Variants in RORA observed in about 807,000 individuals in gnomAD.
The protein encoded by RORA is nuclear receptor ROR-alpha.
Under a neutral mutation model 69.5 loss-of-function variants are expected in RORA, and 7 were observed. The observed-to-expected ratio is 0.10, with a 90% CI of 0.06 to 0.19. The LOEUF is 0.19. Among genes scored for constraint, RORA ranks in the 10% least tolerant of loss-of-function variants. The pLI is 1.00. For missense variants in RORA, 457 were observed against 663.0 expected, an observed-to-expected ratio of 0.69 and a Z score of 3.41; for synonymous variants, 261 against 240.8, an observed-to-expected ratio of 1.08 and a Z score of -0.78.
intron 2 of RORA, among the ~76,000 whole-genome samples, chr15:60,560,337 C>T (rs1220480975): frequency 2.0e-5 from 3 of 151,986 alleles, no homozygotes; most frequent in East Asian, 3.9e-4. Context: ...GCCCTAGTTA[C>T]ACCCTTACTA....
intron 1 of RORA, among the ~76,000 whole-genome samples, chr15:60,913,868 T>C (rs1316992088): frequency 6.6e-6 from 1 of 152,196 alleles, no homozygotes; most frequent in East Asian, 1.9e-4. Context: ...ATCTTTCCTG[T>C]TTTTTCCATC....
chr15:61,195,079 G>A (rs1243556958), intron 1 of RORA, among the ~76,000 whole-genome samples: 3 of 151,750 alleles, frequency 2.0e-5, no homozygotes, highest in Non-Finnish European at 4.4e-5. Flanking sequence ...ATGTCTTTAG[G>A]ATCTAAAGAG....
chr15:60,617,218 T>C (rs1198874305), intron 2 of RORA, among the ~76,000 whole-genome samples: 9 of 152,204 alleles, frequency 5.9e-5, no homozygotes, highest in Non-Finnish European at 8.8e-5. Flanking sequence ...GTGCCTGGTA[T>C]ACAGTAGGTG....
chr15:60,565,511 A>G (rs2067689806), intron 2 of RORA, among the ~76,000 whole-genome samples: 1 of 152,232 alleles, frequency 6.6e-6, no homozygotes, highest in African/African-American at 2.4e-5. Context: ...GCCTACACCA[A>G]TGTTATTCAA....
chr15:60,769,654 C>A lies in RORA; in HGVS notation c.167-90968G>T, dbSNP rs773031368. On this transcript the variant is annotated intron_variant, in intron 1 of 10. Coordinates refer to ENST00000335670, the MANE Select transcript of RORA (RefSeq NM_134261.3). ...ATTGATGTTATAAACTCTCATGCCA[C>A]GAGTGTGCCTCTCTGATGTCTGATA... Among the ~76,000 whole-genome samples, 3 of 152,298 alleles carry A rather than the reference C, an allele frequency of 2.0e-5. No individual in the cohort carries two copies. The East Asian group carries it at 5.8e-4, about 29-fold the overall frequency.
intron 3 of RORA, among the ~76,000 whole-genome samples, chr15:60,527,405 T>C (rs1280691266): frequency 6.6e-6 from 1 of 152,276 alleles, no homozygotes; most frequent in African/African-American, 2.4e-5. Flanking sequence ...CATATTTTTA[T>C]TCACTTTGAA....
At chr15:60,605,624 T>C (rs2068927112) in intron 2 of RORA, among the ~76,000 whole-genome samples, 1 of 152,204 alleles carries the variant, frequency 6.6e-6, no homozygotes, top group Admixed American at 6.5e-5. Context: ...ATTATTGGTC[T>C]TTAATAGAGG....
chr15:61,095,646 T>G (rs2078778241), intron 1 of RORA, among the ~76,000 whole-genome samples: 1 of 152,312 alleles, frequency 6.6e-6, no homozygotes, highest in Admixed American at 6.5e-5. Context: ...TTTGAGCACT[T>G]TTTAAAAAGC....
intron 1 of RORA, among the ~76,000 whole-genome samples, chr15:60,765,855 C>T (rs938470540): frequency 1.4e-4 from 22 of 151,934 alleles, no homozygotes; most frequent in East Asian, 1.2e-3. Flanking sequence ...TGGTGTAACC[C>T]GCTCCCCCAC....
intron 1 of RORA, among the ~76,000 whole-genome samples, chr15:61,171,546 G>GT (rs769613872): frequency 5.3e-5 from 8 of 152,216 alleles, no homozygotes; most frequent in Non-Finnish European, 8.8e-5. Context: ...ACACTGCTCA[G>GT]ATGTGGGGTA....
intron 1 of RORA, among the ~76,000 whole-genome samples, chr15:61,123,134 T>C (rs2079117309): frequency 6.6e-6 from 1 of 152,158 alleles, no homozygotes; most frequent in Non-Finnish European, 1.5e-5. Flanking sequence ...GCTGGGGTTT[T>C]AATCGACTCA....
At chr15:61,127,150 C>G (rs150214660) in intron 1 of RORA, among the ~76,000 whole-genome samples, 115 of 152,320 alleles carry the variant, frequency 7.5e-4, no homozygotes, top group African/African-American at 2.7e-3. Flanking sequence ...AGTCTTCAAA[C>G]TGCTTCCACG....
chr15:60,840,621 C>T (rs1595758411), intron 1 of RORA, among the ~76,000 whole-genome samples: 2 of 152,342 alleles, frequency 1.3e-5, no homozygotes, highest in East Asian at 1.9e-4. Flanking sequence ...CTTTTCCCTC[C>T]AGAGAGGGAC....
chr15:61,070,003 T>C (rs1471008624), intron 1 of RORA, among the ~76,000 whole-genome samples: 1 of 152,226 alleles, frequency 6.6e-6, no homozygotes, highest in Non-Finnish European at 1.5e-5. Context: ...TTGATGTTTT[T>C]AAAAGTATGT....
intron 2 of RORA, among the ~76,000 whole-genome samples, chr15:60,604,130 C>G (rs1217568575): frequency 4.1e-5 from 3 of 73,060 alleles, no homozygotes; most frequent in African/African-American, 1.7e-4. Context: ...GAGACTCTGT[C>G]TCAAAAAAAA....
chr15:60,672,824 T>TTGC (rs952501849), intron 2 of RORA, among the ~76,000 whole-genome samples: 8 of 152,242 alleles, frequency 5.3e-5, no homozygotes, highest in African/African-American at 1.7e-4. Flanking sequence ...GTTCCTGCTA[T>TTGC]TGCTGCTGCT....
At chr15:61,163,368 G>A (rs979087352) in intron 1 of RORA, among the ~76,000 whole-genome samples, 35 of 152,136 alleles carry the variant, frequency 2.3e-4, no homozygotes, top group African/African-American at 8.4e-4. Flanking sequence ...GGGGCACCTA[G>A]CAATATCTAT....
At chr15:61,076,491 C>T (rs998049206) in intron 1 of RORA, among the ~76,000 whole-genome samples, 8 of 151,820 alleles carry the variant, frequency 5.3e-5, no homozygotes, top group Admixed American at 3.3e-4. Flanking sequence ...CTTCCAGGAA[C>T]GTGCAAGCTA....
intron 2 of RORA, among the ~76,000 whole-genome samples, chr15:60,594,644 T>C (rs2068628250): frequency 6.6e-6 from 1 of 152,262 alleles, no homozygotes; most frequent in African/African-American, 2.4e-5. Context: ...TCAGTATTTA[T>C]TTCCAGATCA....
Sources: allele counts gnomAD v4.1 joint callset (sites outside exome capture counted in the v4.1 genomes callset), GRCh38; gene constraint gnomAD v4.1.1; transcripts MANE v1.5; gene names NCBI Gene and HGNC (gene_info 2026-07-23, HGNC 2026-07-21).